SH3PXD2A: variants seen among roughly 807,000 people sequenced by gnomAD.
SH3PXD2A encodes the protein SH3 and PX domain-containing protein 2A.
In SH3PXD2A, 32 loss-of-function variants were observed where a neutral mutation model predicts 115.2. The observed-to-expected ratio is 0.28, with a 90% CI of 0.21 to 0.37. The LOEUF (loss-of-function observed/expected upper bound fraction) is 0.37. Among genes scored for constraint, SH3PXD2A ranks in the 10% least tolerant of loss-of-function variants. The pLI is 1.00. For missense variants in SH3PXD2A, 1,328 were observed against 1,498.7 expected, an observed-to-expected ratio of 0.89 and a Z score of 1.88; for synonymous variants, 610 against 629.1, an observed-to-expected ratio of 0.97 and a Z score of 0.45.
At chr10:103,735,282 T>C (rs563471011) in intron 4 of SH3PXD2A, among the ~76,000 whole-genome samples, 55 of 152,252 alleles carry the variant, frequency 3.6e-4, no homozygotes, top group Non-Finnish European at 6.8e-4. Context: ...CATTTGTAGT[T>C]ACCAAGATTT....
At chr10:103,684,177 G>A (rs1196735591) in intron 6 of SH3PXD2A, among the ~76,000 whole-genome samples, 2 of 152,066 alleles carry the variant, frequency 1.3e-5, no homozygotes, top group Non-Finnish European at 2.9e-5. Flanking sequence ...CTTCAGGACA[G>A]CCCTCCTCAC....
At chr10:103,824,102 G>C (rs1209318959) in intron 1 of SH3PXD2A, among the ~76,000 whole-genome samples, 2 of 152,160 alleles carry the variant, frequency 1.3e-5, no homozygotes, top group African/African-American at 2.4e-5. Flanking sequence ...GCCTGACCTG[G>C]CACTCCCCTG....
At chr10:103,702,858 C>T (rs1206748978) in intron 5 of SH3PXD2A, among the ~76,000 whole-genome samples, 5 of 152,194 alleles carry the variant, frequency 3.3e-5, no homozygotes, top group South Asian at 2.1e-4. Flanking sequence ...GGACTTGTGT[C>T]GGGGGAGCCA....
chr10:103,772,548 G>A (rs1356543394), intron 2 of SH3PXD2A, among the ~76,000 whole-genome samples: 2 of 152,224 alleles, frequency 1.3e-5, no homozygotes, highest in Non-Finnish European at 1.5e-5. Flanking sequence ...GGAGCCCCTC[G>A]CAACCACATC....
rs757172362 is a variant in SH3PXD2A, at chr10:103,620,147, T to C, written c.802+2323A>G. Among the ~76,000 whole-genome samples the C allele has an allele frequency of 6.6e-6, 1 of 151,582 alleles. No individual in the cohort carries two copies. The highest frequency in any genetic ancestry group is 1.5e-5 in the Non-Finnish European group (1 of 67,914). ...CGGGCAGCTGCATGATTCAGGGTGG[T>C]CAGGGTCTTGGGAAGAGATGTCCCG... On this transcript the variant is annotated intron_variant, in intron 10 of 14. Transcript: ENST00000369774. The surrounding 1 kb of genome is among the most constrained non-coding windows in gnomAD (Gnocchi z 5.3).
chr10:103,791,342 C>G (rs2039034414), intron 2 of SH3PXD2A, among the ~76,000 whole-genome samples: 1 of 152,176 alleles, frequency 6.6e-6, no homozygotes, highest in South Asian at 2.1e-4. Context: ...CCGTGAATAC[C>G]CTGGGCCTGG....
intron 5 of SH3PXD2A, among the ~76,000 whole-genome samples, chr10:103,709,460 A>C (rs2038021719): frequency 1.3e-5 from 2 of 152,216 alleles, no homozygotes; most frequent in African/African-American, 4.8e-5. Context: ...GGGACACAGC[A>C]AGGATGGAAG....
intron 3 of SH3PXD2A, among the ~76,000 whole-genome samples, chr10:103,739,792 G>A (rs556189435): frequency 2.0e-5 from 3 of 152,314 alleles, no homozygotes; most frequent in South Asian, 2.1e-4. Context: ...TCCTGAAAGC[G>A]GAGAAGAAGC....
In SH3PXD2A at chr10:103,772,318, G is replaced by T. The variant is rs924343200; in HGVS notation, c.154-5149C>A. 3.3e-5 allele frequency among the ~76,000 whole-genome samples: 5 copies of T among 152,202 alleles called. No homozygotes were observed. The East Asian group carries it at 7.7e-4, about 23-fold the overall frequency. On this transcript the variant is annotated intron_variant, in intron 2 of 14. Transcript: ENST00000369774. ...AGATAAAACAATCGGGGCTGAGCGG[G>T]GCTGTCTCCTGAACCTGCTGCCCCG...
At position 103,774,937 on chromosome 10, in the gene SH3PXD2A, C is replaced by T. The variant is rs576839429; in HGVS notation, c.154-7768G>A. Among the ~76,000 whole-genome samples the T allele has an allele frequency of 6.6e-5, 10 of 152,272 alleles. No individual in the cohort carries two copies. The East Asian group carries it at 7.7e-4, about 12-fold the overall frequency. On this transcript the variant is annotated intron_variant, in intron 2 of 14. Transcript: ENST00000369774. ...CCGCCCTTCCGGTGTCCCAGCTGGA[C>T]GCCTGGAGTGTTATGCAGATTTGAT...
chr10:103,697,261 G>A (rs999976521), intron 5 of SH3PXD2A, among the ~76,000 whole-genome samples: 3 of 152,166 alleles, frequency 2.0e-5, no homozygotes, highest in Non-Finnish European at 4.4e-5. Flanking sequence ...AATGTACAGT[G>A]TGTAGAAAGG....
chr10:103,668,401 C>T (rs1456736328), intron 7 of SH3PXD2A, among the ~76,000 whole-genome samples: 1 of 152,266 alleles, frequency 6.6e-6, no homozygotes, highest in African/African-American at 2.4e-5. Flanking sequence ...ACACGCTGAG[C>T]TACGTGGTCA....
chr10:103,793,482 C>T (rs139692472), intron 2 of SH3PXD2A, among the ~76,000 whole-genome samples: 15 of 152,346 alleles, frequency 9.8e-5, no homozygotes, highest in Middle Eastern at 3.4e-3. Context: ...GTTGACTTAG[C>T]AACTCTGTAT....
rs185247040 is a variant in SH3PXD2A at position 103,708,985 on chromosome 10, C to A, written c.398+15285G>T. Among the ~76,000 whole-genome samples, 64 of 151,994 alleles carry A rather than the reference C, an allele frequency of 4.2e-4. 1 individual carries two copies. The East Asian group carries it at 0.01, about 24-fold the overall frequency. On this transcript the variant is annotated intron_variant, in intron 5 of 14. Transcript: ENST00000369774. Reference sequence around the variant, plus strand: ...TTGGGGTGGGGGCCAGGAAGAGGTGCCCCTGGCAATTAACCTTCAATTCCC... The same window carrying A: ...TTGGGGTGGGGGCCAGGAAGAGGTGACCCTGGCAATTAACCTTCAATTCCC...
intron 2 of SH3PXD2A, among the ~76,000 whole-genome samples, chr10:103,796,841 A>G (rs887452602): frequency 6.6e-6 from 1 of 150,426 alleles, no homozygotes; most frequent in African/African-American, 2.4e-5. Context: ...AGTATATGCC[A>G]TGAAATGTTT....
At chr10:103,772,500 G>A (rs528302297) in intron 2 of SH3PXD2A, among the ~76,000 whole-genome samples, 1 of 152,230 alleles carries the variant, frequency 6.6e-6, no homozygotes, top group Non-Finnish European at 1.5e-5. Flanking sequence ...AGGGCCCATC[G>A]CCAGAGTCCT....
intron 5 of SH3PXD2A, among the ~76,000 whole-genome samples, chr10:103,693,820 C>A (rs2037791631): frequency 6.6e-6 from 1 of 152,082 alleles, no homozygotes; most frequent in Non-Finnish European, 1.5e-5. Context: ...AACTGGGAGG[C>A]CAGGAACGGT....
intron 8 of SH3PXD2A, among the ~76,000 whole-genome samples, chr10:103,645,898 A>T (rs546819706): frequency 2.6e-5 from 4 of 152,344 alleles, no homozygotes; most frequent in Non-Finnish European, 5.9e-5. Context: ...ACAAGCCTCC[A>T]GTGGATTCAC....
chr10:103,724,395 T>G (rs746979535), intron 4 of SH3PXD2A, 34 bp from the exon 5 acceptor site: 9 of 1,340,712 alleles, frequency 6.7e-6, no homozygotes, highest in Non-Finnish European at 9.3e-6. Context: ...GCATTAGGTG[T>G]GATGAACTTG....
Sources: gnomAD v4.1 joint callset for allele counts (sites outside exome capture counted in the v4.1 genomes callset) on GRCh38, gnomAD v4.1.1 for gene constraint, Gnocchi (gnomAD v3.1) non-coding constraint, MANE v1.5 for transcripts, NCBI Gene and HGNC (gene_info 2026-07-23, HGNC 2026-07-21) for gene names.